PLCG2: variants seen among roughly 807,000 people sequenced by gnomAD.
PLCG2 encodes phospholipase C gamma 2.
In PLCG2, 69 loss-of-function variants were observed where a neutral mutation model predicts 175.6. The observed-to-expected ratio is 0.39, with a 90% confidence interval of 0.32 to 0.48. The LOEUF is 0.48. Among genes scored for constraint, PLCG2 ranks in the 20% least tolerant of loss-of-function variants. The probability of loss-of-function intolerance (pLI) is 0.91; values close to 1 mark genes in which losing one functional copy is unlikely to be tolerated. For synonymous variants in PLCG2, 827 were observed against 624.0 expected (o/e 1.33, Z -4.85); for missense variants, 1,798 against 1,650.9 (o/e 1.09, Z -1.54).
upstream of PLCG2, among the ~76,000 whole-genome samples, chr16:81,778,291 G>A (rs970466554): frequency 1.3e-5 from 2 of 152,000 alleles, no homozygotes; most frequent in African/African-American, 4.8e-5. Flanking sequence ...GATCGCTTGA[G>A]TCCCGGAGTT....
chr16:81,903,735 C>G lies in PLCG2; in HGVS notation c.1363-1668C>G, dbSNP rs553751246. Among the ~76,000 whole-genome samples, 3 of 152,304 alleles carry G rather than the reference C, an allele frequency of 2.0e-5. No individual in the cohort carries two copies. In the South Asian group the frequency reaches 6.2e-4, roughly 32 times the overall value. ...TCGGGGCAGCCTGGTTGCATGTGCT[C>G]TTCCCTGTTCCCAGCTCATTCCTTC... On this transcript the variant is annotated intron_variant, in intron 14 of 32. Coordinates refer to ENST00000564138, the MANE Select transcript of PLCG2 (RefSeq NM_002661.5).
chr16:81,859,595 C>T (rs573757495), intron 5 of PLCG2, among the ~76,000 whole-genome samples: 4 of 151,548 alleles, frequency 2.6e-5, no homozygotes, highest in African/African-American at 9.7e-5. Flanking sequence ...AGTGCAGTGG[C>T]ATGATCTCAG....
intron 8 of PLCG2, among the ~76,000 whole-genome samples, chr16:81,881,345 A>G (rs1908071335): frequency 6.6e-6 from 1 of 152,220 alleles, no homozygotes; most frequent in South Asian, 2.1e-4. Context: ...TCAGGTGTAT[A>G]AACTGCTTCA....
At chr16:81,752,365 G>A (rs1351653801) in intron 1 of PLCG2, among the ~76,000 whole-genome samples, 2 of 152,236 alleles carry the variant, frequency 1.3e-5, no homozygotes, top group African/African-American at 2.4e-5. Flanking sequence ...GCCTGACAGG[G>A]AGGGGACTGT....
rs939070818 is a variant in PLCG2 at position 81,959,205 on chromosome 16, T to A, written c.*1207T>A. 3 of 225,998 alleles carry A rather than the reference T, an allele frequency of 1.3e-5. No individual in the cohort carries two copies. The highest frequency in any genetic ancestry group is 6.7e-5 in the African/African-American group (3 of 44,906). 14.0% of individuals were successfully genotyped at this position (225,998 alleles called of 1,614,324 possible). ...AAAGGAGTGTAACTGTGAAAAACGA[T>A]GGCTGTGGTGGGGAAGAACAAACCA... On this transcript the variant is annotated 3_prime_UTR_variant, in exon 33 of 33. Transcript: ENST00000564138.
chr16:81,893,092 C>T (rs962901947), intron 11 of PLCG2, among the ~76,000 whole-genome samples: 1 of 152,144 alleles, frequency 6.6e-6, no homozygotes, highest in African/African-American at 2.4e-5. Context: ...AACACCTGAC[C>T]TCGTGATCTG....
rs572923574 is a variant in PLCG2, at chr16:81,858,190, T to C, written c.338-73T>C. On this transcript the variant is annotated intron_variant, in intron 3 of 32. Coordinates refer to ENST00000564138, the MANE Select transcript of PLCG2 (RefSeq NM_002661.5). ...GCTTCTCCCATCTTCGTGATCTGTA[T>C]GGGGCAGGGCTTTGTAAGCAGACGT... 172 of 1,057,626 alleles carry C rather than the reference T, an allele frequency of 1.6e-4. 3 individuals are homozygous for C. Among genetic ancestry groups the C allele is most frequent in the South Asian group, 1.4e-3 (115 of 79,938 alleles). 65.5% of individuals were successfully genotyped at this position (1,057,626 alleles called of 1,614,324 possible). A position where few individuals can be genotyped will look rare whatever the true frequency, so the allele number is the denominator to read the frequency against.
chr16:81,957,000 GGGCATGGTGGCTCACAGGCCA>G (rs57252573), intron 32 of PLCG2, 121 bp downstream of exon 32: 84,155 of 783,032 alleles, frequency 0.11, 7,108 homozygotes, highest in African/African-American at 0.35. Context: ...ATCCTTGGCC[GGGCATGGTGGCTCACAGGCCA>G]GGCATGGTGG....
At chr16:81,756,911 AC>A (rs1048347300) in intron 2 of PLCG2, among the ~76,000 whole-genome samples, 6 of 152,058 alleles carry the variant, frequency 3.9e-5, no homozygotes, top group Middle Eastern at 3.2e-3. Flanking sequence ...GAACACACAC[AC>A]CGCGCCTCTA....
rs117128903 is a variant in PLCG2 at position 81,792,054 on chromosome 16, A to G, written c.193+5872A>G. Among the ~76,000 whole-genome samples the G allele has an allele frequency of 4.1e-3, 625 of 152,298 alleles. 7 individuals are homozygous for G. The highest frequency in any genetic ancestry group is 0.014 in the African/African-American group (596 of 41,566). On this transcript the variant is annotated intron_variant, in intron 2 of 32. Coordinates refer to ENST00000564138, the MANE Select transcript of PLCG2 (RefSeq NM_002661.5). ...CTCTTAGAGAAGGAATGGCATGCATATCGATGGTAGGCAGGAACTGATGGT... is the reference window on the plus strand; with the variant it reads ...CTCTTAGAGAAGGAATGGCATGCATGTCGATGGTAGGCAGGAACTGATGGT...
chr16:81,772,516 A>T (rs142246717), intron 2 of PLCG2, among the ~76,000 whole-genome samples: 3 of 152,078 alleles, frequency 2.0e-5, no homozygotes, highest in Non-Finnish European at 4.4e-5. Flanking sequence ...TGTTTGTCCA[A>T]TGAATGAAAG....
At chr16:81,802,013 C>A (rs1013079421) in intron 2 of PLCG2, among the ~76,000 whole-genome samples, 4 of 141,510 alleles carry the variant, frequency 2.8e-5, no homozygotes, top group Non-Finnish European at 6.0e-5. Flanking sequence ...TCCAAAAAAT[C>A]TGTGGCTGTG....
At chr16:81,886,729 G>C (rs1483139976) in intron 9 of PLCG2, among the ~76,000 whole-genome samples, 2 of 152,184 alleles carry the variant, frequency 1.3e-5, no homozygotes, top group East Asian at 3.8e-4. Context: ...CCTCTCCTCT[G>C]TTTCCCCATT....
intron 2 of PLCG2, among the ~76,000 whole-genome samples, chr16:81,843,999 A>C (rs1905973888): frequency 6.7e-6 from 1 of 148,404 alleles, no homozygotes; most frequent in African/African-American, 2.5e-5. Context: ...TTTTTTGAGA[A>C]GGCGTCTTGC....
intron 2 of PLCG2, among the ~76,000 whole-genome samples, chr16:81,789,046 G>A (rs766777664): frequency 6.6e-6 from 1 of 152,200 alleles, no homozygotes; most frequent in Non-Finnish European, 1.5e-5. Flanking sequence ...TGTAAGTATA[G>A]GGTATTAACC....
chr16:81,744,890 T>C (rs1380053423), intron 1 of PLCG2, among the ~76,000 whole-genome samples: 1 of 152,100 alleles, frequency 6.6e-6, no homozygotes, highest in African/African-American at 2.4e-5. Flanking sequence ...TTTTAGGGCA[T>C]CTGGAGAGGT....
intron 31 of PLCG2, among the ~76,000 whole-genome samples, chr16:81,948,548 G>C (rs762697352): frequency 3.3e-5 from 5 of 152,142 alleles, no homozygotes; most frequent in Non-Finnish European, 5.9e-5. Flanking sequence ...CTAGATTAAG[G>C]CTTATCCTAG....
At chr16:81,846,886 A>G (rs1906148878) in intron 2 of PLCG2, among the ~76,000 whole-genome samples, 2 of 151,990 alleles carry the variant, frequency 1.3e-5, no homozygotes, top group Non-Finnish European at 2.9e-5. Flanking sequence ...TTGACACCAG[A>G]TGTGTATGGT....
chr16:81,853,242 A>G (rs1307153839), intron 2 of PLCG2, among the ~76,000 whole-genome samples: 1 of 152,048 alleles, frequency 6.6e-6, no homozygotes, highest in Non-Finnish European at 1.5e-5. Flanking sequence ...CAGGCAGGAT[A>G]ATTGTTTGAA....
Sources: allele counts gnomAD v4.1 joint callset (sites outside exome capture counted in the v4.1 genomes callset), GRCh38; gene constraint gnomAD v4.1.1; transcripts MANE v1.5; gene names NCBI Gene and HGNC (gene_info 2026-07-23, HGNC 2026-07-21).